The following ABCC5 variants were observed in gnomAD, a reference collection of about 807,000 sequenced individuals.
ABCC5 encodes the protein ATP-binding cassette sub-family C member 5.
ABCC5 carries 61 observed loss-of-function variants against 160.9 expected under a neutral mutation model. That is an observed-to-expected ratio of 0.38 (90% CI 0.31 to 0.47). The LOEUF (loss-of-function observed/expected upper bound fraction) is 0.47, where lower values mean the gene tolerates loss of function less well. ABCC5 is among the 20% of genes least tolerant of loss of function. ABCC5 has a pLI of 0.99. For missense variants in ABCC5, 1,308 were observed against 1,813.3 expected (o/e 0.72, Z 5.06); for synonymous variants, 666 against 700.6 (o/e 0.95, Z 0.78).
chr3:183,957,376 A>C (rs1716172966), intron 17 of ABCC5, among the ~76,000 whole-genome samples: 1 of 130,348 alleles, frequency 7.7e-6, no homozygotes, highest in African/African-American at 2.9e-5. Context: ...CCGTGTGTAT[A>C]TCACATCGGT....
In ABCC5 at chr3:183,978,568, C is replaced by T; in HGVS notation, c.1231G>A (p.Val411Met). Residue 411 changes from valine to methionine, a missense_variant, in exon 9 of 30, where the codon GTG (valine) becomes ATG (methionine). Coordinates refer to ENST00000334444, the MANE Select transcript of ABCC5 (RefSeq NM_005688.4). ...ITVGVAPIVV[V>M]IASVVTFSVH... ...GAGAAGGTCACCACGCTGGCAATCA[C>T]CACCACAATGGGAGCCACACCCACA... The T allele has an allele frequency of 6.2e-7, 1 of 1,614,190 alleles. No individual in the cohort carries two copies. Among genetic ancestry groups the T allele is most frequent in the Non-Finnish European group, 8.5e-7 (1 of 1,180,034 alleles).
At position 183,950,200 on chromosome 3, in the gene ABCC5, G is replaced by A. The variant is rs1715214465; in HGVS notation, c.2945-75C>T. 1.6e-5 allele frequency: 23 copies of A among 1,476,090 alleles called. No individual in the cohort carries two copies. The Middle Eastern group carries it at 7.5e-4, about 48-fold the overall frequency. The allele number at this position is 1,476,090 out of a possible 1,614,324, so 91.4% of individuals were successfully genotyped here. A position where few individuals can be genotyped will look rare whatever the true frequency, so the allele number is the denominator to read the frequency against. ...ACTGAAAATTGAAAAAAACAAAAAG[G>A]GGTTCCACAAACTCTCTATCTGAAG... On this transcript the variant is annotated intron_variant, in intron 20 of 29. Coordinates refer to ENST00000334444, the MANE Select transcript of ABCC5 (RefSeq NM_005688.4).
intron 16 of ABCC5, among the ~76,000 whole-genome samples, chr3:183,960,543 T>C (rs1315129735): frequency 6.6e-6 from 1 of 152,130 alleles, no homozygotes; most frequent in Non-Finnish European, 1.5e-5. Flanking sequence ...GTACTATACA[T>C]GTGATGTGGT....
chr3:183,982,902 A>C lies in ABCC5; in HGVS notation c.697T>G (p.Ser233Ala), dbSNP rs1354940357. Reference protein sequence around the residue: ...LGLLLTEIVRSWSLALTWALN... With the variant: ...LGLLLTEIVRAWSLALTWALN... ...GCCCAAGTCAGTGCAAGCGACCAAG[A>C]CCGCACGATTTCCGTCAGGAGGAGG... Residue 233 changes from serine (S) to alanine (A), a missense_variant, in exon 6 of 30, where the codon TCT becomes GCT. By Grantham distance (99) the Ser-to-Ala change is moderately conservative (BLOSUM62 1). Transcript: ENST00000334444. The surrounding 1 kb of genome is among the most constrained non-coding windows in gnomAD (Gnocchi z 5.2). 1 of 1,614,188 alleles carries C rather than the reference A, an allele frequency of 6.2e-7. No individual in the cohort carries two copies. The highest frequency in any genetic ancestry group is 8.5e-7 in the Non-Finnish European group (1 of 1,180,030).
At position 183,926,318 on chromosome 3, in the gene ABCC5, G is replaced by A. The variant is rs1257864642; in HGVS notation, c.4048-599C>T. ...TGTAATCCCAGCACTTTGAGAGGCC[G>A]AGGCAGGCGGATCACGAGGTCAAGA... On this transcript the variant is annotated intron_variant, in intron 28 of 29. Coordinates refer to ENST00000334444, the MANE Select transcript of ABCC5 (RefSeq NM_005688.4). Among the ~76,000 whole-genome samples, 5 of 150,088 alleles carry A rather than the reference G, an allele frequency of 3.3e-5. No individual in the cohort carries two copies. In the East Asian group the frequency reaches 6.1e-4, roughly 18 times the overall value.
chr3:183,983,126 A>G, intron 5 of ABCC5, 119 bp from the exon 6 acceptor site: 1 of 956,926 alleles, frequency 1.0e-6, no homozygotes, highest in Non-Finnish European at 1.6e-6. Flanking sequence ...GCGCAAGCAA[A>G]GCAAAACTTT....
At position 183,965,441 on chromosome 3, in the gene ABCC5, C is replaced by T. The variant is rs778325965; in HGVS notation, c.1894G>A (p.Ala632Thr). The change falls in exon 13 of 30, where the codon GCC becomes ACC. Residue 632 changes from alanine (A) to threonine (T), a missense_variant. Physicochemically the swap from Ala to Thr is moderately conservative, Grantham distance 58. Around this residue, in one of 3 missense-constraint regions of ABCC5, gnomAD observed 1,142 missense variants for 1,527.1 expected, o/e 0.75. Coordinates refer to ENST00000334444, the MANE Select transcript of ABCC5 (RefSeq NM_005688.4). ...CTCAGAGTAGCATTGAGGATCCAGGCCTGCTGGGCCACATAAGCGAAGGTT... is the reference window on the plus strand; with the variant it reads ...CTCAGAGTAGCATTGAGGATCCAGGTCTGCTGGGCCACATAAGCGAAGGTT... ...SGTFAYVAQQ[A>T]WILNATLRDN... 1 of 1,613,830 alleles carries T rather than the reference C, an allele frequency of 6.2e-7. No homozygotes were observed.
At chr3:183,922,562 T>A (rs1008852077) in intron 29 of ABCC5, among the ~76,000 whole-genome samples, 1 of 152,150 alleles carries the variant, frequency 6.6e-6, no homozygotes, top group African/African-American at 2.4e-5. Flanking sequence ...AGGGAGTGAC[T>A]TAGTCAGGTG....
intron 2 of ABCC5, among the ~76,000 whole-genome samples, chr3:183,994,481 T>C (rs1490643842): frequency 2.6e-5 from 4 of 152,076 alleles, no homozygotes; most frequent in African/African-American, 9.7e-5. Context: ...GTTCAAGCAA[T>C]TCTCCTGCCT....
intron 14 of ABCC5, among the ~76,000 whole-genome samples, chr3:183,964,186 T>A (rs1717023100): frequency 6.6e-6 from 1 of 152,242 alleles, no homozygotes; most frequent in South Asian, 2.1e-4. Flanking sequence ...TTCCCGCTAG[T>A]ACCCCAAAGA....
chr3:183,971,616 C>T lies in ABCC5; in HGVS notation c.1708G>A (p.Gly570Ser). 1 of 1,614,064 alleles carries T rather than the reference C, an allele frequency of 6.2e-7. No individual in the cohort carries two copies. Among genetic ancestry groups the T allele is most frequent in the Non-Finnish European group, 8.5e-7 (1 of 1,180,006 alleles). The part of the protein sequence containing the change: ...EEEEGKHIHL[G>S]HLRLQRTLHS... Reference sequence around the variant, plus strand: ...AGTGTCCTCTGTAAGCGCAGGTGGCCCAGGTGGATGTGCTTGCCTTCTTCC... The same window carrying T: ...AGTGTCCTCTGTAAGCGCAGGTGGCTCAGGTGGATGTGCTTGCCTTCTTCC... Residue 570 changes from glycine to serine, a missense_variant, in exon 11 of 30, where the codon GGC (glycine) becomes AGC (serine). Physicochemically the swap from Gly to Ser is moderately conservative, Grantham distance 56. This residue lies in a region of ABCC5 where 1,142 missense variants were observed against 1,527.1 expected (regional missense o/e 0.75). Transcript: ENST00000334444.
At chr3:183,991,474 T>C (rs1282310431) in intron 2 of ABCC5, among the ~76,000 whole-genome samples, 2 of 152,186 alleles carry the variant, frequency 1.3e-5, no homozygotes, top group Admixed American at 6.5e-5. Flanking sequence ...AACTTAAACA[T>C]TAACAGAACT....
intron 28 of ABCC5, among the ~76,000 whole-genome samples, chr3:183,927,089 C>T (rs1292416316): frequency 1.3e-5 from 2 of 152,034 alleles, no homozygotes; most frequent in Non-Finnish European, 2.9e-5. Context: ...AGTCGTACAA[C>T]TACTCAATGG....
Position 183,953,220 on chromosome 3 carries a change from C to G in ABCC5, c.2533G>C (p.Val845Leu). 2 of 1,614,116 alleles carry G rather than the reference C, an allele frequency of 1.2e-6. No individual in the cohort carries two copies. Among genetic ancestry groups the G allele is most frequent in the South Asian group, 2.2e-5 (2 of 91,080 alleles). The change falls in exon 18 of 30, where the codon GTA becomes CTA. Residue 845 changes from valine (V) to leucine (L), a missense_variant. Physicochemically the swap from Val to Leu is conservative, Grantham distance 32 (BLOSUM62 1). Coordinates refer to ENST00000334444, the MANE Select transcript of ABCC5 (RefSeq NM_005688.4). ...GCAGCCTGGATGTAGACACCATATA[C>G]TGACCAGGGCACTGAACCCTGCCCT... ...EKGQGSVPWSVYGVYIQAAGG... is the reference protein window; with the variant it reads ...EKGQGSVPWSLYGVYIQAAGG...
At chr3:183,931,126 C>T (rs1035730355) in intron 26 of ABCC5, among the ~76,000 whole-genome samples, 2 of 151,926 alleles carry the variant, frequency 1.3e-5, no homozygotes, top group East Asian at 1.9e-4. Context: ...CTGTAATGAA[C>T]ATTATTTGAC....
At chr3:183,926,896 T>G (rs1291802628) in intron 28 of ABCC5, among the ~76,000 whole-genome samples, 1 of 151,756 alleles carries the variant, frequency 6.6e-6, no homozygotes, top group East Asian at 2.0e-4. Context: ...AATGCAAAAA[T>G]TAGCTGGGCA....
chr3:183,944,328 G>A (rs780702651), intron 24 of ABCC5, among the ~76,000 whole-genome samples: 3 of 151,948 alleles, frequency 2.0e-5, no homozygotes, highest in Non-Finnish European at 4.4e-5. Flanking sequence ...CTGGGAGATC[G>A]AGGCTGGACT....
Position 183,953,154 on chromosome 3 carries a change from T to A in ABCC5, c.2599A>T (p.Met867Leu). 6.2e-7 allele frequency: 1 copy of A among 1,614,076 alleles called. No individual in the cohort carries two copies. Among genetic ancestry groups the A allele is most frequent in the Non-Finnish European group, 8.5e-7 (1 of 1,180,012 alleles). The change falls in exon 18 of 30, where the codon ATG becomes TTG. Residue 867 changes from methionine to leucine, a missense_variant. Physicochemically the swap from Met to Leu is conservative, Grantham distance 15 (BLOSUM62 2). This residue lies in a region of ABCC5 where 1,142 missense variants were observed against 1,527.1 expected (regional missense o/e 0.75). Coordinates refer to ENST00000334444, the MANE Select transcript of ABCC5 (RefSeq NM_005688.4). ...LAFLVIMALF[M>L]LNVGSTAFST... The stretch of plus-strand genomic sequence containing the variant: ...AAGGCGGTGCTGCCTACATTCAGCA[T>A]GAAAAGGGCCATAATAACCAGGAAT...
Position 183,963,424 on chromosome 3 carries a change from G to C in ABCC5, c.2196C>G (p.Leu732=), listed in dbSNP as rs1716949463. The C allele has an allele frequency of 1.2e-6, 2 of 1,614,266 alleles. No homozygotes were observed. Among genetic ancestry groups the C allele is most frequent in the South Asian group, 2.2e-5 (2 of 91,088 alleles). ...TAACAAACAGAACTGTCTTGGACTT[G>C]AGATGTTTCCGGATAGCACTATTGA... ...HIFNSAIRKH[L]KSKTVLFVTH... Residue 732 remains leucine, a synonymous_variant, in exon 15 of 30, where the codon CTC becomes CTG. Coordinates refer to ENST00000334444, the MANE Select transcript of ABCC5 (RefSeq NM_005688.4). This position sits in a 1 kb window ranked among gnomAD's most constrained non-coding sequence, Gnocchi z 4.6.
Sources: allele counts gnomAD v4.1 joint callset (sites outside exome capture counted in the v4.1 genomes callset), GRCh38; gene constraint gnomAD v4.1.1; regional missense constraint gnomAD v4.1.1; non-coding constraint Gnocchi (gnomAD v3.1); transcripts MANE v1.5; gene names NCBI Gene and HGNC (gene_info 2026-07-23, HGNC 2026-07-21).